Variants in MGAM2 observed in about 807,000 individuals in gnomAD.
MGAM2 encodes the protein probable maltase-glucoamylase 2.
Under a neutral mutation model 96.1 loss-of-function variants are expected in MGAM2, and 98 were observed. That is an observed-to-expected ratio of 1.02 (90% CI 0.87 to 1.21). The LOEUF is 1.21. Ranked by LOEUF, MGAM2 falls within the 50% of genes most tolerant of loss-of-function variation. MGAM2 has a pLI of 0.00. For synonymous variants in MGAM2, 749 were observed against 414.8 expected (o/e 1.81, Z -9.79); for missense variants, 2,055 against 1,182.4 (o/e 1.74, Z -10.82).
intron 12 of MGAM2, among the ~76,000 whole-genome samples, chr7:142,142,119 T>G (rs1197750164): frequency 6.6e-6 from 1 of 151,656 alleles, no homozygotes; most frequent in Non-Finnish European, 1.5e-5. Flanking sequence ...ATCTGCCCAC[T>G]TAATTCCTTT....
chr7:142,199,118 G>C (rs1175796964), intron 44 of MGAM2, among the ~76,000 whole-genome samples: 1 of 152,116 alleles, frequency 6.6e-6, no homozygotes, highest in South Asian at 2.1e-4. Context: ...AGAACTTAAT[G>C]TTCATTCCTA....
chr7:142,133,772 C>A (rs942959279), intron 6 of MGAM2, among the ~76,000 whole-genome samples: 1 of 152,148 alleles, frequency 6.6e-6, no homozygotes, highest in Non-Finnish European at 1.5e-5. Context: ...AATTGTCCAA[C>A]CTGAGCTCCT....
intron 46 of MGAM2, among the ~76,000 whole-genome samples, chr7:142,214,571 T>TA (rs1184087549): frequency 2.6e-5 from 4 of 152,014 alleles, no homozygotes; most frequent in African/African-American, 9.7e-5. Flanking sequence ...GAGAAGAAGA[T>TA]ACCTAGGAAT....
At chr7:142,119,981 T>C (rs751814755) in intron 2 of MGAM2, among the ~76,000 whole-genome samples, 1 of 152,220 alleles carries the variant, frequency 6.6e-6, no homozygotes, top group Non-Finnish European at 1.5e-5. Flanking sequence ...TCGACAGCGG[T>C]CACAGGTTGT....
chr7:142,145,441 A>G (rs1795354088), intron 14 of MGAM2, among the ~76,000 whole-genome samples: 1 of 151,210 alleles, frequency 6.6e-6, no homozygotes, highest in Non-Finnish European at 1.5e-5. Context: ...ATCATTTACA[A>G]CAGTTTAAAG....
rs779471171 is a variant in MGAM2, at chr7:142,196,831, C to T, written c.4632+15C>T. ...TCGGGACAAGGGTGAGGCAGTAGTT[C>T]GTGCTCCAGGTGTTGTGTACCCTCA... On this transcript the variant is annotated intron_variant, in intron 40 of 47. Coordinates refer to ENST00000477922, the MANE Select transcript of MGAM2 (RefSeq NM_001293626.2). 3.4e-5 allele frequency: 26 copies of T among 770,668 alleles called. 1 individual carries two copies. Among genetic ancestry groups the T allele is most frequent in the South Asian group, 4.1e-5 (3 of 73,492 alleles). 47.7% of individuals were successfully genotyped at this position (770,668 alleles called of 1,614,324 possible).
intron 37 of MGAM2, among the ~76,000 whole-genome samples, chr7:142,193,596 A>T (rs1039063621): frequency 6.6e-6 from 1 of 152,162 alleles, no homozygotes; most frequent in Non-Finnish European, 1.5e-5. Flanking sequence ...GGTTCATAAT[A>T]TGCCCTGCTG....
intron 27 of MGAM2, 60 bp downstream of exon 27, chr7:142,170,289 A>T: frequency 1.6e-6 from 1 of 618,938 alleles, no homozygotes; most frequent in Non-Finnish European, 2.9e-6. Context: ...CAGCAGTTAC[A>T]ATTAATTCAA....
At chr7:142,150,231 A>G (rs2129083532) in intron 15 of MGAM2, among the ~76,000 whole-genome samples, 1 of 152,082 alleles carries the variant, frequency 6.6e-6, no homozygotes, top group South Asian at 2.1e-4. Context: ...ATGAGCCACC[A>G]CGCCTGGCTG....
chr7:142,123,261 A>T (rs75567087), intron 3 of MGAM2, among the ~76,000 whole-genome samples: 2 of 151,756 alleles, frequency 1.3e-5, no homozygotes, highest in Non-Finnish European at 2.9e-5. Flanking sequence ...ATTCAAAAAA[A>T]TTTGCATCAA....
chr7:142,204,000 C>T (rs986602876), intron 45 of MGAM2, among the ~76,000 whole-genome samples: 2 of 152,048 alleles, frequency 1.3e-5, no homozygotes, highest in Admixed American at 1.3e-4. Context: ...ACAAGACCAC[C>T]TTCTGGAATT....
At chr7:142,136,873 C>T (rs1261190888) in intron 8 of MGAM2, among the ~76,000 whole-genome samples, 2 of 151,892 alleles carry the variant, frequency 1.3e-5, no homozygotes, top group African/African-American at 4.8e-5. Flanking sequence ...ATAATGTTTC[C>T]CCTCATAGTC....
chr7:142,132,232 A>T (rs1231935963), intron 6 of MGAM2, 147 bp downstream of exon 6: 7 of 472,766 alleles, frequency 1.5e-5, no homozygotes, highest in Non-Finnish European at 2.6e-5. Context: ...GCTGTAAAAT[A>T]ACAGTGTTAG....
chr7:142,187,388 T>C (rs796937307), intron 35 of MGAM2, among the ~76,000 whole-genome samples: 4 of 152,326 alleles, frequency 2.6e-5, no homozygotes, highest in South Asian at 2.1e-4. Context: ...GCTACCTCTG[T>C]TGGGGAGTTG....
intron 45 of MGAM2, among the ~76,000 whole-genome samples, chr7:142,202,129 G>T (rs1314882456): frequency 1.3e-5 from 2 of 152,090 alleles, no homozygotes; most frequent in African/African-American, 4.8e-5. Flanking sequence ...TACAAATCCA[G>T]TCTATAGTCA....
chr7:142,125,886 C>T (rs1251547125), intron 3 of MGAM2, among the ~76,000 whole-genome samples: 1 of 152,038 alleles, frequency 6.6e-6, no homozygotes, highest in Non-Finnish European at 1.5e-5. Flanking sequence ...ATGTACAGAA[C>T]AAAATGAGAA....
rs1817177141 is a variant in MGAM2, at chr7:142,111,736, G to A, written c.-72G>A. The stretch of plus-strand genomic sequence containing the variant: ...GGCAGAAGCTGGCTACCTCAGCCCA[G>A]TTACCTTTGCTCAGTGCTCCCTATG... On this transcript the variant is annotated 5_prime_UTR_variant, in exon 1 of 48. Coordinates refer to ENST00000477922, the MANE Select transcript of MGAM2 (RefSeq NM_001293626.2). 1 of 152,178 alleles carries A rather than the reference G, an allele frequency of 6.6e-6. No individual in the cohort carries two copies. The highest frequency in any genetic ancestry group is 2.1e-4 in the South Asian group (1 of 4,830). 9.4% of individuals were successfully genotyped at this position (152,178 alleles called of 1,614,324 possible).
chr7:142,147,571 C>T lies in MGAM2; in HGVS notation c.1632C>T (p.Asn544=), dbSNP rs1795425416. Reference sequence around the variant, plus strand: ...GCCACTCCATGGCAAGAACCACAAACTTGTAAGGACTTGGTTTTCACCCTA... The same window carrying T: ...GCCACTCCATGGCAAGAACCACAAATTTGTAAGGACTTGGTTTTCACCCTA... ...LYGHSMARTT[N]LALETIFMNN... The change falls in exon 15 of 48, where the codon AAC becomes AAT. Residue 544 remains asparagine (N), a splice_region_variant and synonymous_variant. Coordinates refer to ENST00000477922, the MANE Select transcript of MGAM2 (RefSeq NM_001293626.2). The T allele has an allele frequency of 2.9e-6, 2 of 701,480 alleles. No individual in the cohort carries two copies. 43.5% of individuals were successfully genotyped at this position (701,480 alleles called of 1,614,324 possible).
chr7:142,171,319 C>T lies in MGAM2; in HGVS notation c.3230C>T (p.Ser1077Phe). 2 of 702,902 alleles carry T rather than the reference C, an allele frequency of 2.8e-6. No homozygotes were observed. Among genetic ancestry groups the T allele is most frequent in the Non-Finnish European group, 2.6e-6 (1 of 384,846 alleles). 43.5% of individuals were successfully genotyped at this position (702,902 alleles called of 1,614,324 possible). ...TTCATCTTCAATGACATGTTTCTCTCCATTTCTACGCGTCTGCCGTCCCAG... is the reference window on the plus strand; with the variant it reads ...TTCATCTTCAATGACATGTTTCTCTTCATTTCTACGCGTCTGCCGTCCCAG... The part of the protein sequence containing the change: ...PGFIFNDMFL[S>F]ISTRLPSQYI... Residue 1077 changes from serine (S) to phenylalanine (F), a missense_variant, in exon 28 of 48, where the codon TCC (serine) becomes TTC (phenylalanine). Physicochemically the swap from Ser to Phe is radical, Grantham distance 155. Coordinates refer to ENST00000477922, the MANE Select transcript of MGAM2 (RefSeq NM_001293626.2).
Sources: allele counts gnomAD v4.1 joint callset (sites outside exome capture counted in the v4.1 genomes callset), GRCh38; gene constraint gnomAD v4.1.1; transcripts MANE v1.5; gene names NCBI Gene and HGNC (gene_info 2026-07-23, HGNC 2026-07-21).